Variants in SOX5 observed in about 807,000 individuals in gnomAD.
The protein encoded by SOX5 is transcription factor SOX-5.
A neutral mutation model predicts 92.0 loss-of-function variants in SOX5; 9 were observed. The observed-to-expected ratio is 0.10, with a 90% CI of 0.06 to 0.17. The LOEUF (loss-of-function observed/expected upper bound fraction) is 0.17, where lower values mean the gene tolerates loss of function less well. Among genes scored for constraint, SOX5 ranks in the 10% least tolerant of loss-of-function variants. The pLI, the probability that SOX5 is intolerant of heterozygous loss-of-function variation, is 1.00. For missense variants in SOX5, 642 were observed against 944.5 expected (o/e 0.68, Z 4.20); for synonymous variants, 344 against 336.3 (o/e 1.02, Z -0.25).
intron 11 of SOX5, among the ~76,000 whole-genome samples, chr12:23,553,508 C>T (rs1212734962): frequency 6.6e-6 from 1 of 151,890 alleles, no homozygotes; most frequent in Admixed American, 6.6e-5. Flanking sequence ...TATCATGGTG[C>T]TTATGGTGTG....
intron 2 of SOX5, among the ~76,000 whole-genome samples, chr12:23,849,943 A>C (rs2096613233): frequency 6.6e-6 from 1 of 152,170 alleles, no homozygotes; most frequent in Admixed American, 6.6e-5. Context: ...TTAAGTTTTC[A>C]ATTTAGAAAA....
Position 24,245,274 on chromosome 12 carries a change from T to TGC in SOX5, c.-76-31859_-76-31858dup, listed in dbSNP as rs1555193900. On this transcript the variant is annotated intron_variant, in intron 3 of 4. Transcript: ENST00000446891. Reference sequence around the variant, plus strand: ...GTGTGTGTGTGTGTGTGTGTGTGTGTGCCTTCTACTTACTATAGTAATCCC... The same window carrying TGC: ...GTGTGTGTGTGTGTGTGTGTGTGTGTGCGCCTTCTACTTACTATAGTAATCCC... Among the ~76,000 whole-genome samples, 270 of 147,654 alleles carry TGC rather than the reference T, an allele frequency of 1.8e-3. 1 individual carries two copies. The highest frequency in any genetic ancestry group is 6.4e-3 in the African/African-American group (259 of 40,428).
At chr12:23,570,947 A>T (rs1948233686) in intron 10 of SOX5, among the ~76,000 whole-genome samples, 1 of 18,446 alleles carries the variant, frequency 5.4e-5, no homozygotes, top group Non-Finnish European at 1.4e-4. Context: ...ATATATATAT[A>T]TATATATATA....
chr12:24,231,513 CTGCT>C (rs780029591), intron 3 of SOX5, among the ~76,000 whole-genome samples: 2 of 152,200 alleles, frequency 1.3e-5, no homozygotes, highest in Non-Finnish European at 2.9e-5. Flanking sequence ...TTACCATTGG[CTGCT>C]TGTACATTCT....
Position 23,740,959 on chromosome 12 carries a change from A to G in SOX5, c.649T>C (p.Leu217=), listed in dbSNP as rs765696097. ...NQLTSLREQL[L]AAHDEQKKLA... The stretch of plus-strand genomic sequence containing the variant: ...TTCTTCTGCTCATCGTGGGCAGCCA[A>G]CAGCTGCTCTCGGAGGCTGGTCAGC... Residue 217 remains leucine (L), a synonymous_variant, in exon 5 of 15, where the codon TTG becomes CTG. Coordinates refer to ENST00000451604, the MANE Select transcript of SOX5 (RefSeq NM_006940.6). 1 of 1,612,190 alleles carries G rather than the reference A, an allele frequency of 6.2e-7. No individual in the cohort carries two copies. Among genetic ancestry groups the G allele is most frequent in the East Asian group, 2.2e-5 (1 of 44,760 alleles).
At position 24,353,742 on chromosome 12, in the gene SOX5, A is replaced by C. The variant is rs559945141; in HGVS notation, c.-174+14821T>G. ...TGCAACCCCCGCCTCCCGGCTTCAA[A>C]CAATTCTCCTGCCTCAGCCTCCTGA... is the stretch of plus-strand genomic sequence containing the variant. On this transcript the variant is annotated intron_variant, in intron 2 of 4. Coordinates refer to the SOX5 transcript ENST00000446891. Among the ~76,000 whole-genome samples, 6 of 152,088 alleles carry C rather than the reference A, an allele frequency of 3.9e-5. No homozygotes were observed. In the South Asian group the frequency reaches 1.2e-3, roughly 32 times the overall value.
intron 1 of SOX5, among the ~76,000 whole-genome samples, chr12:24,555,228 C>A (rs1015390531): frequency 6.6e-6 from 1 of 152,150 alleles, no homozygotes; most frequent in Non-Finnish European, 1.5e-5. Flanking sequence ...ACTTCCAGTG[C>A]GTTGCTACTC....
At chr12:24,405,564 C>T (rs775061618) in intron 1 of SOX5, among the ~76,000 whole-genome samples, 5 of 152,264 alleles carry the variant, frequency 3.3e-5, no homozygotes, top group Non-Finnish European at 7.4e-5. Flanking sequence ...ATGTAAACCC[C>T]TTTGAGTGCA....
chr12:24,043,147 A>G (rs1004979958), intron 4 of SOX5, among the ~76,000 whole-genome samples: 11 of 152,358 alleles, frequency 7.2e-5, no homozygotes, highest in African/African-American at 2.4e-4. Context: ...TTTCTGGTTC[A>G]TAAATTTCCT....
chr12:24,075,277 T>TAAAAA (rs59967372), intron 4 of SOX5, among the ~76,000 whole-genome samples: 3 of 75,790 alleles, frequency 4.0e-5, no homozygotes, highest in Admixed American at 3.4e-4. Flanking sequence ...CTCAAATTAT[T>TAAAAA]AAAAAAAAAA....
intron 4 of SOX5, among the ~76,000 whole-genome samples, chr12:24,194,262 G>A (rs905868481): frequency 6.6e-6 from 1 of 152,266 alleles, no homozygotes; most frequent in Non-Finnish European, 1.5e-5. Context: ...ATCATACTCT[G>A]TGGGGGGTGA....
intron 4 of SOX5, among the ~76,000 whole-genome samples, chr12:24,020,959 GT>G (rs1418005267): frequency 3.9e-5 from 6 of 152,150 alleles, no homozygotes; most frequent in African/African-American, 1.4e-4. Flanking sequence ...ACAACTGCTG[GT>G]TTATGGAGTA....
At chr12:24,333,487 C>T (rs1017692612) in intron 2 of SOX5, among the ~76,000 whole-genome samples, 5 of 151,874 alleles carry the variant, frequency 3.3e-5, no homozygotes, top group African/African-American at 9.7e-5. Flanking sequence ...TTAAGGAGAG[C>T]TTATGACTAG....
chr12:23,867,458 T>C (rs565546469), intron 2 of SOX5, among the ~76,000 whole-genome samples: 1 of 152,284 alleles, frequency 6.6e-6, no homozygotes, highest in African/African-American at 2.4e-5. Flanking sequence ...AAGTAAGAGA[T>C]ACGGACTAAC....
chr12:24,454,284 A>C (rs895595268), intron 1 of SOX5, among the ~76,000 whole-genome samples: 8 of 152,214 alleles, frequency 5.3e-5, no homozygotes, highest in African/African-American at 1.7e-4. Context: ...ATCCAGCATC[A>C]CAATCCCACT....
At chr12:23,773,792 A>G (rs1464682693) in intron 3 of SOX5, among the ~76,000 whole-genome samples, 2 of 152,208 alleles carry the variant, frequency 1.3e-5, no homozygotes, top group African/African-American at 4.8e-5. Context: ...AAATCAATAT[A>G]AAACCTAAAA....
At chr12:24,495,825 C>T (rs1409638767) in intron 1 of SOX5, among the ~76,000 whole-genome samples, 1 of 152,088 alleles carries the variant, frequency 6.6e-6, no homozygotes, top group Non-Finnish European at 1.5e-5. Flanking sequence ...GTGTGGTACG[C>T]AAGGAATGCA....
chr12:24,215,793 C>A (rs927953178), intron 3 of SOX5, among the ~76,000 whole-genome samples: 2 of 150,034 alleles, frequency 1.3e-5, no homozygotes, highest in African/African-American at 4.9e-5. Context: ...ATAGCTACAT[C>A]GATCCTGAAA....
In SOX5 at chr12:23,678,527, T is replaced by C. The variant is rs189835195; in HGVS notation, c.811-12963A>G. Among the ~76,000 whole-genome samples, 478 of 152,264 alleles carry C rather than the reference T, an allele frequency of 3.1e-3. 3 individuals are homozygous for C. The highest frequency in any genetic ancestry group is 0.011 in the African/African-American group (456 of 41,564). On this transcript the variant is annotated intron_variant, in intron 6 of 14. Coordinates refer to ENST00000451604, the MANE Select transcript of SOX5 (RefSeq NM_006940.6). The stretch of plus-strand genomic sequence containing the variant: ...CATTTTATGGGATGAAAAGAGAACA[T>C]AGACGGACAACATGAATTCTTTCCA...
Sources: gnomAD v4.1 joint callset for allele counts (sites outside exome capture counted in the v4.1 genomes callset) on GRCh38, gnomAD v4.1.1 for gene constraint, MANE v1.5 for transcripts, NCBI Gene and HGNC (gene_info 2026-07-23, HGNC 2026-07-21) for gene names.